Variants in NALCN observed in about 807,000 individuals in gnomAD.
The protein encoded by NALCN is sodium leak channel NALCN.
NALCN carries 111 observed loss-of-function variants against 225.3 expected under a neutral mutation model. That is an observed-to-expected ratio of 0.49 (90% CI 0.42 to 0.58). The LOEUF (loss-of-function observed/expected upper bound fraction) is 0.58. Ranked by LOEUF, NALCN falls within the 20% of genes least tolerant of loss-of-function variation. NALCN has a pLI of 0.00. For missense variants in NALCN, 1,378 were observed against 2,202.4 expected, an observed-to-expected ratio of 0.63 and a Z score of 7.49; for synonymous variants, 764 against 769.0, an observed-to-expected ratio of 0.99 and a Z score of 0.11.
intron 7 of NALCN, among the ~76,000 whole-genome samples, chr13:101,300,848 T>C (rs952813260): frequency 1.3e-5 from 2 of 152,242 alleles, no homozygotes; most frequent in African/African-American, 4.8e-5. Context: ...TTTAAAATTA[T>C]AAATGCCTTA....
chr13:101,308,697 A>T lies in NALCN; in HGVS notation c.800-16331T>A, dbSNP rs2044237305. Among the ~76,000 whole-genome samples the T allele has an allele frequency of 3.3e-5, 5 of 152,356 alleles. No homozygotes were observed. In the South Asian group the frequency reaches 1.0e-3, roughly 32 times the overall value. ...TCACAAGGATGTCTGTTTGGAAAAA[A>T]TATGCTAACTAAAAATTATTGACAT... On this transcript the variant is annotated intron_variant, in intron 7 of 43. Transcript: ENST00000251127.
At chr13:101,313,751 G>A (rs890847781) in intron 7 of NALCN, among the ~76,000 whole-genome samples, 11 of 152,144 alleles carry the variant, frequency 7.2e-5, no homozygotes, top group Non-Finnish European at 1.3e-4. Context: ...AAGTTGGTGT[G>A]GCGATTCCTC....
intron 10 of NALCN, among the ~76,000 whole-genome samples, chr13:101,262,571 T>C (rs1429995389): frequency 6.6e-6 from 1 of 152,242 alleles, no homozygotes; most frequent in Admixed American, 6.5e-5. Flanking sequence ...CCTTACTGTC[T>C]GGTCTGACCT....
chr13:101,054,721 T>G lies in NALCN; in HGVS notation c.*574A>C, dbSNP rs1210715753. The G allele has an allele frequency of 2.0e-5, 3 of 152,246 alleles. No homozygotes were observed. The highest frequency in any genetic ancestry group is 7.2e-5 in the African/African-American group (3 of 41,460). The allele number at this position is 152,246 out of a possible 1,614,324, so 9.4% of individuals were successfully genotyped here. ...CTTGTTCTGGTCACCAAATGTCTTG[T>G]GTATATTTAAAAATATAACACGAGA... On this transcript the variant is annotated 3_prime_UTR_variant, in exon 44 of 44. Transcript: ENST00000251127.
At chr13:101,302,664 T>C (rs943417398) in intron 7 of NALCN, among the ~76,000 whole-genome samples, 1 of 152,210 alleles carries the variant, frequency 6.6e-6, no homozygotes, top group Non-Finnish European at 1.5e-5. Flanking sequence ...TAATATCATT[T>C]GTAATAATAT....
chr13:101,398,098 T>C (rs1048441625), intron 2 of NALCN, among the ~76,000 whole-genome samples: 3 of 152,094 alleles, frequency 2.0e-5, no homozygotes, highest in African/African-American at 7.2e-5. Context: ...AGGTCCTGAA[T>C]GAAAAGAAGC....
At chr13:101,352,845 GACAA>G (rs1484920815) in intron 6 of NALCN, among the ~76,000 whole-genome samples, 1 of 152,086 alleles carries the variant, frequency 6.6e-6, no homozygotes, top group Non-Finnish European at 1.5e-5. Context: ...AAAAGCTAAA[GACAA>G]ACAGGCTAAG....
In NALCN at chr13:101,114,425, TTCTC is replaced by T. The variant is rs10538126; in HGVS notation, c.2193-3203_2193-3200del. 4.9e-3 allele frequency among the ~76,000 whole-genome samples: 718 copies of T among 147,382 alleles called. 4 individuals are homozygous for T. The highest frequency in any genetic ancestry group is 5.6e-3 in the African/African-American group (223 of 40,144). ...TATAACACTCTACATAGCATATTCATTCTCTCTCTCTCTCTCTCTCTCTCTCTCG... is the reference window on the plus strand; with the variant it reads ...TATAACACTCTACATAGCATATTCATTCTCTCTCTCTCTCTCTCTCTCTCG... On this transcript the variant is annotated intron_variant, in intron 18 of 43. Coordinates refer to ENST00000251127, the MANE Select transcript of NALCN (RefSeq NM_052867.4).
At position 101,054,759 on chromosome 13, in the gene NALCN, T is replaced by G. The variant is rs2031003815; in HGVS notation, c.*536A>C. The G allele has an allele frequency of 6.6e-6, 1 of 152,238 alleles. No homozygotes were observed. Among genetic ancestry groups the G allele is most frequent in the African/African-American group, 2.4e-5 (1 of 41,446 alleles). 9.4% of individuals were successfully genotyped at this position (152,238 alleles called of 1,614,324 possible). A position where few individuals can be genotyped will look rare whatever the true frequency, so the allele number is the denominator to read the frequency against. ...ATATAACACGAGAAAAAGAAGATACTTTTTAAAATTCAGAATCTGTAGTTT... is the reference window on the plus strand; with the variant it reads ...ATATAACACGAGAAAAAGAAGATACGTTTTAAAATTCAGAATCTGTAGTTT... On this transcript the variant is annotated 3_prime_UTR_variant, in exon 44 of 44. Transcript: ENST00000251127.
At chr13:101,374,696 G>A (rs1313354217) in intron 6 of NALCN, among the ~76,000 whole-genome samples, 2 of 152,054 alleles carry the variant, frequency 1.3e-5, no homozygotes, top group Non-Finnish European at 2.9e-5. Flanking sequence ...CATTTAACCA[G>A]TGAAATTATA....
intron 34 of NALCN, among the ~76,000 whole-genome samples, chr13:101,080,898 A>C (rs2033611110): frequency 6.6e-6 from 1 of 152,016 alleles, no homozygotes; most frequent in Non-Finnish European, 1.5e-5. Context: ...ATGGCCCTAG[A>C]TTACAGTTCA....
chr13:101,149,147 G>T (rs1464514393), intron 15 of NALCN, among the ~76,000 whole-genome samples: 1 of 152,120 alleles, frequency 6.6e-6, no homozygotes, highest in African/African-American at 2.4e-5. Context: ...CAAAAAATTA[G>T]CTGGGCGTGG....
chr13:101,083,571 G>T, intron 31 of NALCN, 140 bp downstream of exon 31: 1 of 741,518 alleles, frequency 1.3e-6, no homozygotes, highest in Non-Finnish European at 2.2e-6. Context: ...AGAGATCTGT[G>T]GTTTGGAGCC....
Position 101,228,165 on chromosome 13 carries a change from C to T in NALCN, c.1626+1228G>A, listed in dbSNP as rs923274873. Reference sequence around the variant, plus strand: ...TTAAAGGCACTCGACAAATCCTTGGCGGCACATGAATGAAGAATCTGCATT... The same window carrying T: ...TTAAAGGCACTCGACAAATCCTTGGTGGCACATGAATGAAGAATCTGCATT... On this transcript the variant is annotated intron_variant, in intron 13 of 43. Coordinates refer to ENST00000251127, the MANE Select transcript of NALCN (RefSeq NM_052867.4). 6.7e-5 allele frequency among the ~76,000 whole-genome samples: 9 copies of T among 134,322 alleles called. No individual in the cohort carries two copies. The East Asian group carries it at 1.3e-3, about 20-fold the overall frequency. 88.1% of individuals were successfully genotyped at this position (134,322 alleles called of 152,430 possible). A position where few individuals can be genotyped will look rare whatever the true frequency, so the allele number is the denominator to read the frequency against.
intron 17 of NALCN, among the ~76,000 whole-genome samples, chr13:101,130,859 C>A (rs2036483799): frequency 6.6e-6 from 1 of 152,078 alleles, no homozygotes; most frequent in African/African-American, 2.4e-5. Flanking sequence ...TGTGTGCTGT[C>A]AATATATAGT....
intron 9 of NALCN, among the ~76,000 whole-genome samples, chr13:101,290,419 G>A (rs1044454364): frequency 6.6e-6 from 1 of 152,198 alleles, no homozygotes; most frequent in Non-Finnish European, 1.5e-5. Flanking sequence ...TGCCACCTCG[G>A]AATGGACCGG....
intron 6 of NALCN, among the ~76,000 whole-genome samples, chr13:101,357,123 G>A (rs1276569354): frequency 6.6e-6 from 1 of 152,120 alleles, no homozygotes; most frequent in Admixed American, 6.5e-5. Flanking sequence ...TTGAAAACTG[G>A]CACAAGACAA....
At chr13:101,168,873 GT>G (rs1349732739) in intron 15 of NALCN, among the ~76,000 whole-genome samples, 1 of 152,032 alleles carries the variant, frequency 6.6e-6, no homozygotes, top group Non-Finnish European at 1.5e-5. Flanking sequence ...AAGCCACTCT[GT>G]TTTTTTCCCA....
Position 101,395,369 on chromosome 13 carries a change from C to A in NALCN, c.109-4G>T, listed in dbSNP as rs1282780281. Reference sequence around the variant, plus strand: ...TGCGCAGCAAAGAGTGAACCCACTGCAATGATGGTCCAGAGTTACTACACG... The same window carrying A: ...TGCGCAGCAAAGAGTGAACCCACTGAAATGATGGTCCAGAGTTACTACACG... On this transcript the variant is annotated splice_polypyrimidine_tract_variant and splice_region_variant and intron_variant, in intron 2 of 43. Transcript: ENST00000251127. 1 of 1,612,558 alleles carries A rather than the reference C, an allele frequency of 6.2e-7. No homozygotes were observed. The highest frequency in any genetic ancestry group is 1.7e-5 in the Admixed American group (1 of 59,858).
Sources: allele counts gnomAD v4.1 joint callset (sites outside exome capture counted in the v4.1 genomes callset), GRCh38; gene constraint gnomAD v4.1.1; transcripts MANE v1.5; gene names NCBI Gene and HGNC (gene_info 2026-07-23, HGNC 2026-07-21).